NRG3: variants seen among roughly 807,000 people sequenced by gnomAD.
The protein encoded by NRG3 is neuregulin 3.
NRG3 carries 31 observed loss-of-function variants against 66.9 expected under a neutral mutation model. That is an observed-to-expected ratio of 0.46 (90% CI 0.35 to 0.63). The LOEUF (loss-of-function observed/expected upper bound fraction) is 0.63, where lower values mean the gene tolerates loss of function less well. Among genes scored for constraint, NRG3 ranks in the 20% least tolerant of loss-of-function variants. NRG3 has a pLI of 0.00. For missense variants in NRG3, 910 were observed against 878.9 expected (o/e 1.04, Z -0.45); for synonymous variants, 393 against 359.4 (o/e 1.09, Z -1.06).
Position 81,903,050 on chromosome 10 carries a change from G to T in NRG3, c.823+26887G>T, listed in dbSNP as rs576893741. On this transcript the variant is annotated intron_variant, in intron 1 of 8. Transcript: ENST00000372141. The stretch of plus-strand genomic sequence containing the variant: ...AACGATAATTAAGTTTCGGGCCCAA[G>T]TTCTCCCTTCTTATGATATGATGGT... Among the ~76,000 whole-genome samples, 4 of 152,210 alleles carry T rather than the reference G, an allele frequency of 2.6e-5. No individual in the cohort carries two copies. The South Asian group carries it at 8.3e-4, about 32-fold the overall frequency.
chr10:82,371,528 A>G (rs917302596), intron 2 of NRG3, among the ~76,000 whole-genome samples: 2 of 152,190 alleles, frequency 1.3e-5, no homozygotes, highest in Admixed American at 6.5e-5. Flanking sequence ...AGAAAAACTC[A>G]TAAGAGAGGG....
intron 3 of NRG3, among the ~76,000 whole-genome samples, chr10:82,865,022 A>C (rs1031117236): frequency 4.6e-5 from 7 of 152,202 alleles, no homozygotes; most frequent in Non-Finnish European, 7.3e-5. Flanking sequence ...GGTTCAAATA[A>C]ATTCATGTTG....
At chr10:82,403,836 G>T (rs2087295500) in intron 2 of NRG3, among the ~76,000 whole-genome samples, 1 of 151,992 alleles carries the variant, frequency 6.6e-6, no homozygotes, top group South Asian at 2.1e-4. Flanking sequence ...TATGACTTTG[G>T]ACATACAATT....
At chr10:82,531,432 A>G (rs998946289) in intron 2 of NRG3, among the ~76,000 whole-genome samples, 2 of 151,872 alleles carry the variant, frequency 1.3e-5, no homozygotes, top group South Asian at 2.1e-4. Context: ...TATTGCTATT[A>G]TATAATGAGA....
intron 4 of NRG3, among the ~76,000 whole-genome samples, chr10:82,874,321 G>T (rs1254558291): frequency 1.3e-5 from 2 of 151,672 alleles, no homozygotes; most frequent in Non-Finnish European, 2.9e-5. Flanking sequence ...AATCTAACAG[G>T]CTCATATGTC....
At chr10:82,121,157 C>A (rs2068064640) in intron 1 of NRG3, among the ~76,000 whole-genome samples, 1 of 152,048 alleles carries the variant, frequency 6.6e-6, no homozygotes, top group South Asian at 2.1e-4. Flanking sequence ...CTCCAGTAAA[C>A]CCTAGATTCC....
chr10:82,308,831 C>T (rs905117296), intron 1 of NRG3, among the ~76,000 whole-genome samples: 8 of 152,102 alleles, frequency 5.3e-5, no homozygotes, highest in African/African-American at 1.9e-4. Flanking sequence ...AAGCTAGAGC[C>T]GTGCGGTGGG....
intron 1 of NRG3, among the ~76,000 whole-genome samples, chr10:82,273,426 TTAAA>T (rs763774474): frequency 5.3e-5 from 8 of 152,108 alleles, no homozygotes; most frequent in East Asian, 1.9e-4. Context: ...TTAAGTTTTC[TTAAA>T]TAGTTACATT....
intron 2 of NRG3, among the ~76,000 whole-genome samples, chr10:82,712,984 G>T (rs2056762415): frequency 6.6e-6 from 1 of 151,918 alleles, no homozygotes; most frequent in Non-Finnish European, 1.5e-5. Flanking sequence ...GCCAGGCATG[G>T]TGGCAGATGC....
At chr10:82,439,921 A>G (rs1026866953) in intron 2 of NRG3, among the ~76,000 whole-genome samples, 3 of 151,516 alleles carry the variant, frequency 2.0e-5, no homozygotes, top group Admixed American at 6.6e-5. Flanking sequence ...ACTTTAGCTA[A>G]TAATATGTTT....
chr10:82,379,466 G>T (rs1344967427), intron 2 of NRG3, among the ~76,000 whole-genome samples: 1 of 152,014 alleles, frequency 6.6e-6, no homozygotes, highest in Non-Finnish European at 1.5e-5. Context: ...GAGAATACTA[G>T]ATAGATTTGA....
At chr10:82,589,366 A>G (rs1191436238) in intron 2 of NRG3, among the ~76,000 whole-genome samples, 1 of 152,126 alleles carries the variant, frequency 6.6e-6, no homozygotes, top group African/African-American at 2.4e-5. Flanking sequence ...GTATCACTCA[A>G]TTCAGAATTG....
At chr10:82,631,752 C>T (rs759265007) in intron 2 of NRG3, among the ~76,000 whole-genome samples, 5 of 151,950 alleles carry the variant, frequency 3.3e-5, no homozygotes, top group Non-Finnish European at 5.9e-5. Context: ...TTTTTGTTTG[C>T]TTGCTTTTTT....
At chr10:82,507,726 C>T (rs1019915338) in intron 2 of NRG3, among the ~76,000 whole-genome samples, 5 of 152,196 alleles carry the variant, frequency 3.3e-5, no homozygotes, top group African/African-American at 1.2e-4. Flanking sequence ...TTTCTGAAAG[C>T]TACTTGTGTA....
intron 1 of NRG3, among the ~76,000 whole-genome samples, chr10:82,218,127 C>T (rs2133738282): frequency 6.6e-6 from 1 of 152,230 alleles, no homozygotes; most frequent in East Asian, 1.9e-4. Flanking sequence ...GTTTAATCTA[C>T]ATGTGAGATA....
intron 1 of NRG3, among the ~76,000 whole-genome samples, chr10:81,923,448 G>A (rs930178896): frequency 6.6e-6 from 1 of 151,868 alleles, no homozygotes; most frequent in African/African-American, 2.4e-5. Flanking sequence ...CTGGTGATCC[G>A]CCCGCCTCGG....
rs534651599 is a variant in NRG3 at position 82,353,651 on chromosome 10, A to T, written c.824-5088A>T. On this transcript the variant is annotated intron_variant, in intron 1 of 8. Coordinates refer to ENST00000372141, the MANE Select transcript of NRG3 (RefSeq NM_001010848.4). Reference sequence around the variant, plus strand: ...AACAAGTGCCAGATGAGTGATCCAGATAATTGCACAGTCCCTGTGGCCCCT... The same window carrying T: ...AACAAGTGCCAGATGAGTGATCCAGTTAATTGCACAGTCCCTGTGGCCCCT... Among the ~76,000 whole-genome samples, 9 of 152,330 alleles carry T rather than the reference A, an allele frequency of 5.9e-5. No homozygotes were observed. In the South Asian group the frequency reaches 1.9e-3, roughly 32 times the overall value.
At chr10:81,981,263 A>G (rs941072451) in intron 1 of NRG3, among the ~76,000 whole-genome samples, 5 of 152,186 alleles carry the variant, frequency 3.3e-5, no homozygotes, top group Admixed American at 2.0e-4. Flanking sequence ...AAATTGTACA[A>G]GTTCCGTATA....
At chr10:82,207,239 T>C (rs749354172) in intron 1 of NRG3, among the ~76,000 whole-genome samples, 6 of 152,176 alleles carry the variant, frequency 3.9e-5, no homozygotes, top group Non-Finnish European at 5.9e-5. Context: ...CAGTGAAATA[T>C]TATTTTTGGC....
Sources: allele counts gnomAD v4.1 joint callset (sites outside exome capture counted in the v4.1 genomes callset), GRCh38; gene constraint gnomAD v4.1.1; transcripts MANE v1.5; gene names NCBI Gene and HGNC (gene_info 2026-07-23, HGNC 2026-07-21).